The following TENM3 variants were observed in gnomAD, a reference collection of about 807,000 sequenced individuals.
The protein encoded by TENM3 is teneurin transmembrane protein 3.
In TENM3, 63 loss-of-function variants were observed where a neutral mutation model predicts 255.1. The ratio of observed to expected loss-of-function variants is 0.25; its 90% CI spans 0.20 to 0.30. TENM3 has a LOEUF of 0.30. Among genes scored for constraint, TENM3 ranks in the 10% least tolerant of loss-of-function variants. The probability of loss-of-function intolerance (pLI) is 1.00; values close to 1 mark genes in which losing one functional copy is unlikely to be tolerated. For synonymous variants in TENM3, 1,306 were observed against 1,322.3 expected (o/e 0.99, Z 0.27); for missense variants, 2,929 against 3,461.1 (o/e 0.85, Z 3.86).
chr4:182,741,922 G>A (rs1761636638), intron 18 of TENM3, among the ~76,000 whole-genome samples: 1 of 152,174 alleles, frequency 6.6e-6, no homozygotes, highest in Non-Finnish European at 1.5e-5. Flanking sequence ...CCCGAAGTGG[G>A]GGGAAAAAGC....
chr4:182,183,154 T>G (rs1164720674), intron 1 of TENM3, among the ~76,000 whole-genome samples: 2 of 152,124 alleles, frequency 1.3e-5, no homozygotes, highest in African/African-American at 4.8e-5. Context: ...TGCAGAAAAT[T>G]AAGGGTGAAA....
the TENM3 span, among the ~76,000 whole-genome samples, chr4:181,653,572 TG>T: frequency 6.6e-6 from 1 of 152,060 alleles, no homozygotes; most frequent in Non-Finnish European, 1.5e-5. Flanking sequence ...GGCTAATTTT[TG>T]TATTTTTAGT....
the TENM3 span, among the ~76,000 whole-genome samples, chr4:181,993,775 C>G: frequency 3.9e-3 from 586 of 152,000 alleles, 4 homozygotes; most frequent in African/African-American, 0.013. Context: ...ATTTTCTCAC[C>G]CTGAACTCCT....
At chr4:182,640,871 G>A (rs183064493) in intron 5 of TENM3, among the ~76,000 whole-genome samples, 2 of 152,332 alleles carry the variant, frequency 1.3e-5, no homozygotes, top group Admixed American at 6.5e-5. Flanking sequence ...CAAATGGAAC[G>A]CAGGCTTCAT....
chr4:182,562,068 A>G (rs183037121), intron 3 of TENM3, among the ~76,000 whole-genome samples: 3 of 152,192 alleles, frequency 2.0e-5, no homozygotes, highest in East Asian at 1.9e-4. Context: ...CCTATGTTCT[A>G]TTGTGGAGTA....
chr4:182,250,459 G>A (rs192497837), intron 1 of TENM3, among the ~76,000 whole-genome samples: 168 of 152,310 alleles, frequency 1.1e-3, no homozygotes, highest in African/African-American at 3.7e-3. Flanking sequence ...AAACAGAAAA[G>A]TTAAGTAACT....
At chr4:182,626,170 G>A (rs1034151432) in intron 4 of TENM3, among the ~76,000 whole-genome samples, 2 of 152,190 alleles carry the variant, frequency 1.3e-5, no homozygotes, top group African/African-American at 4.8e-5. Context: ...TTACTCTGTG[G>A]TCCCTTACAG....
At chr4:182,382,759 CTGTGATCTTTA>C (rs1220691321) in intron 3 of TENM3, among the ~76,000 whole-genome samples, 1 of 152,160 alleles carries the variant, frequency 6.6e-6, no homozygotes, top group East Asian at 1.9e-4. Context: ...CCCCAAATTC[CTGTGATCTTTA>C]AAAACCTCTT....
intron 3 of TENM3, among the ~76,000 whole-genome samples, chr4:182,576,049 T>C (rs1427214505): frequency 6.6e-6 from 1 of 152,224 alleles, no homozygotes; most frequent in Admixed American, 6.5e-5. Flanking sequence ...AAGAATGCCC[T>C]CAAGCTTACT....
At position 182,731,069 on chromosome 4, in the gene TENM3, T is replaced by C. The variant is rs1669803862; in HGVS notation, c.2897T>C (p.Ile966Thr). Residue 966 changes from isoleucine to threonine, a missense_variant, in exon 16 of 28, where the codon ATT becomes ACT. By Grantham distance (89) the Ile-to-Thr change is moderately conservative. Transcript: ENST00000511685. ...GGATTCGTGAGGCCAAATCCCATCA[T>C]TGTGTCATCACCTTTATCCACCTTT... ...LSGFVRPNPIIVSSPLSTFFR... is the reference protein window; with the variant it reads ...LSGFVRPNPITVSSPLSTFFR... 6.8e-6 allele frequency: 11 copies of C among 1,613,796 alleles called. No homozygotes were observed. Among genetic ancestry groups the C allele is most frequent in the Admixed American group, 1.7e-5 (1 of 60,010 alleles).
chr4:181,524,451 G>A, the TENM3 span, among the ~76,000 whole-genome samples: 1 of 152,222 alleles, frequency 6.6e-6, no homozygotes. Context: ...GCAGCCAGCT[G>A]TGGTATATGC....
the TENM3 span, among the ~76,000 whole-genome samples, chr4:181,605,589 GA>G: frequency 2.8e-5 from 1 of 35,740 alleles, no homozygotes; most frequent in Non-Finnish European, 6.0e-5. Context: ...AGAAAGGAAA[GA>G]AAGAAAGAAA....
At chr4:182,403,862 G>T (rs1207059947) in intron 3 of TENM3, among the ~76,000 whole-genome samples, 2 of 152,128 alleles carry the variant, frequency 1.3e-5, no homozygotes, top group Admixed American at 1.3e-4. Flanking sequence ...GGGACCACAG[G>T]CGTGTGCCAC....
chr4:182,131,212 A>G, the TENM3 span, among the ~76,000 whole-genome samples: 1 of 152,200 alleles, frequency 6.6e-6, no homozygotes, highest in Admixed American at 6.5e-5. Context: ...TTTAACCCTG[A>G]ACATATGGCA....
the TENM3 span, among the ~76,000 whole-genome samples, chr4:181,464,493 G>A: frequency 6.6e-6 from 1 of 152,050 alleles, no homozygotes; most frequent in African/African-American, 2.4e-5. Context: ...TTTTCATTAG[G>A]CTAATTGTGT....
chr4:182,133,452 C>T, the TENM3 span, among the ~76,000 whole-genome samples: 3 of 152,112 alleles, frequency 2.0e-5, no homozygotes, highest in African/African-American at 7.2e-5. Context: ...TTCCATTTCA[C>T]AAGAGCATTC....
the TENM3 span, among the ~76,000 whole-genome samples, chr4:181,786,860 G>A: frequency 3.9e-5 from 6 of 152,104 alleles, no homozygotes; most frequent in Non-Finnish European, 5.9e-5. Flanking sequence ...GTGTTTGGGG[G>A]TAGAGCTTGC....
chr4:182,078,361 A>C, the TENM3 span, among the ~76,000 whole-genome samples: 1 of 151,990 alleles, frequency 6.6e-6, no homozygotes, highest in African/African-American at 2.4e-5. Flanking sequence ...GTCTCTACTA[A>C]AATGCAAAAA....
At chr4:181,640,108 A>G in the TENM3 span, among the ~76,000 whole-genome samples, 3 of 152,338 alleles carry the variant, frequency 2.0e-5, no homozygotes, top group South Asian at 2.1e-4. Context: ...ACAGGTAGGC[A>G]GGGACATCAA....
Sources: allele counts gnomAD v4.1 joint callset (sites outside exome capture counted in the v4.1 genomes callset), GRCh38; gene constraint gnomAD v4.1.1; transcripts MANE v1.5; gene names NCBI Gene and HGNC (gene_info 2026-07-23, HGNC 2026-07-21).